NUDC: variants seen among roughly 807,000 people sequenced by gnomAD.
NUDC encodes the protein nuclear distribution C, dynein complex regulator.
Under a neutral mutation model 45.0 loss-of-function variants are expected in NUDC, and 14 were observed. That is an observed-to-expected ratio of 0.31 (90% CI 0.21 to 0.49). The LOEUF (loss-of-function observed/expected upper bound fraction) is 0.49, where lower values mean the gene tolerates loss of function less well. Ranked by LOEUF, NUDC falls within the 20% of genes least tolerant of loss-of-function variation. NUDC has a pLI of 0.99. For synonymous variants in NUDC, 153 were observed against 156.7 expected (o/e 0.98, Z 0.17); for missense variants, 323 against 426.2 (o/e 0.76, Z 2.13).
At chr1:26,941,881 C>T in intron 4 of NUDC, 63 bp downstream of exon 4, 1 of 1,486,542 alleles carries the variant, frequency 6.7e-7, no homozygotes, top group Non-Finnish European at 9.4e-7. Flanking sequence ...AAATCTCCTG[C>T]CTACTGCTTT....
intron 2 of NUDC, 103 bp from the exon 3 acceptor site, chr1:26,941,354 G>A (rs547064839): frequency 8.3e-7 from 1 of 1,199,856 alleles, no homozygotes; most frequent in African/African-American, 1.5e-5. Flanking sequence ...TCTGGGTGCA[G>A]TGCTTTGCCC....
chr1:26,925,306 C>T (rs1348833854), intron 2 of NUDC, among the ~76,000 whole-genome samples: 3 of 150,806 alleles, frequency 2.0e-5, no homozygotes, highest in Admixed American at 6.6e-5. Context: ...TTTGGGAGGC[C>T]GAGGCTGGCG....
At position 26,913,850 on chromosome 1, in the gene NUDC, C is replaced by T. The variant is rs1442533451; in HGVS notation, c.93+2615C>T. On this transcript the variant is annotated intron_variant, in intron 3 of 6. Coordinates refer to the NUDC transcript ENST00000435827. ...CAGCGGCTACGGGGTCGGGGGACAGCCTTGAGGCTGGAGCTCAGAAGTGCG... is the reference window on the plus strand; with the variant it reads ...CAGCGGCTACGGGGTCGGGGGACAGTCTTGAGGCTGGAGCTCAGAAGTGCG... The T allele has an allele frequency of 1.3e-6, 2 of 1,507,540 alleles. No homozygotes were observed. The highest frequency in any genetic ancestry group is 2.3e-5 in the East Asian group (1 of 43,732). The allele number at this position is 1,507,540 out of a possible 1,614,324, so 93.4% of individuals were successfully genotyped here.
intron 2 of NUDC, among the ~76,000 whole-genome samples, chr1:26,934,014 G>A (rs142576244): frequency 5.3e-5 from 8 of 152,334 alleles, no homozygotes; most frequent in African/African-American, 1.4e-4. Context: ...TTAGCTGGGT[G>A]TGGTGGCGTG....
chr1:26,941,349 G>C (rs2082274489), intron 2 of NUDC, 108 bp from the exon 3 acceptor site: 1 of 1,109,736 alleles, frequency 9.0e-7, no homozygotes, highest in African/African-American at 1.5e-5. Flanking sequence ...GAGTTTCTGG[G>C]TGCAGTGCTT....
intron 2 of NUDC, among the ~76,000 whole-genome samples, chr1:26,930,041 A>G (rs1007309265): frequency 6.6e-6 from 1 of 152,172 alleles, no homozygotes; most frequent in African/African-American, 2.4e-5. Flanking sequence ...AAAAACAACA[A>G]CAACAGCCAC....
chr1:26,943,858 C>A (rs1424546179), intron 6 of NUDC, among the ~76,000 whole-genome samples: 1 of 152,080 alleles, frequency 6.6e-6, no homozygotes, highest in Admixed American at 6.5e-5. Context: ...ACAGCCTGTC[C>A]GACTGGCACT....
chr1:26,905,413 A>G (rs2124051403), intron 2 of NUDC, among the ~76,000 whole-genome samples: 2 of 150,872 alleles, frequency 1.3e-5, no homozygotes, highest in East Asian at 4.0e-4. Flanking sequence ...CTCCTGCCTC[A>G]GCCTCCCAAA....
At chr1:26,904,034 ATT>A (rs2081992246) in intron 2 of NUDC, among the ~76,000 whole-genome samples, 1 of 105,150 alleles carries the variant, frequency 9.5e-6, no homozygotes, top group Non-Finnish European at 2.2e-5. Context: ...AAATAAATAA[ATT>A]AAATAAATAA....
intron 2 of NUDC, among the ~76,000 whole-genome samples, chr1:26,924,929 G>A (rs2082119044): frequency 2.6e-5 from 4 of 151,396 alleles, no homozygotes; most frequent in Admixed American, 2.6e-4. Flanking sequence ...TGCGCAGGCT[G>A]GAGTGCAGTG....
At chr1:26,913,627 A>C (rs1378527261) in intron 3 of NUDC, 2 of 1,614,022 alleles carry the variant, frequency 1.2e-6, no homozygotes, top group East Asian at 4.5e-5. Flanking sequence ...CTCAAAGGTC[A>C]CAGCATCTTG....
At chr1:26,912,654 G>A (rs906044195) in intron 3 of NUDC, among the ~76,000 whole-genome samples, 9 of 152,118 alleles carry the variant, frequency 5.9e-5, no homozygotes, top group Non-Finnish European at 1.3e-4. Context: ...TCTCCTGGCC[G>A]AATTCCATAA....
chr1:26,900,340 G>A (rs1458809872), exon 1 of NUDC: 3 of 1,614,102 alleles, frequency 1.9e-6, no homozygotes, highest in Non-Finnish European at 1.7e-6. Context: ...TCTCGGAACT[G>A]GCTAAAATAG....
intron 2 of NUDC, among the ~76,000 whole-genome samples, chr1:26,934,527 G>A (rs899025627): frequency 3.9e-5 from 6 of 152,018 alleles, no homozygotes; most frequent in Non-Finnish European, 7.4e-5. Flanking sequence ...CCTTCCAACA[G>A]CCCCACAAAG....
chr1:26,916,902 C>T (rs553582976), upstream of NUDC, among the ~76,000 whole-genome samples: 15 of 152,316 alleles, frequency 9.8e-5, no homozygotes, highest in African/African-American at 3.1e-4. Flanking sequence ...CTGCAGTGAG[C>T]TGTGATCATG....
intron 3 of NUDC, chr1:26,911,880 C>A: frequency 6.2e-7 from 1 of 1,614,166 alleles, no homozygotes; most frequent in Non-Finnish European, 8.5e-7. Flanking sequence ...AGAAGGCCAG[C>A]GATGTCAACA....
chr1:26,909,633 A>G (rs940679876), intron 2 of NUDC, among the ~76,000 whole-genome samples: 2 of 152,166 alleles, frequency 1.3e-5, no homozygotes, highest in Admixed American at 6.6e-5. Flanking sequence ...GGCATAAAAG[A>G]TATAGAATGA....
intron 2 of NUDC, among the ~76,000 whole-genome samples, chr1:26,938,618 G>C (rs1402109464): frequency 6.6e-6 from 1 of 152,158 alleles, no homozygotes; most frequent in Non-Finnish European, 1.5e-5. Flanking sequence ...AGGGGGTTTG[G>C]GCATAGCAGG....
chr1:26,938,824 C>T (rs375808986), intron 2 of NUDC, among the ~76,000 whole-genome samples: 2 of 152,236 alleles, frequency 1.3e-5, no homozygotes, highest in African/African-American at 4.8e-5. Context: ...GGGGTATGTG[C>T]GTATGTGTGC....
Sources: gnomAD v4.1 joint callset for allele counts (sites outside exome capture counted in the v4.1 genomes callset) on GRCh38, gnomAD v4.1.1 for gene constraint, MANE v1.5 for transcripts, NCBI Gene and HGNC (gene_info 2026-07-23, HGNC 2026-07-21) for gene names.